The following PRKN variants were observed in gnomAD, a reference collection of about 807,000 sequenced individuals.
PRKN encodes the protein parkin RBR E3 ubiquitin protein ligase, also known as E3 ubiquitin-protein ligase parkin.
PRKN carries 56 observed loss-of-function variants against 59.5 expected under a neutral mutation model. The ratio of observed to expected loss-of-function variants is 0.94; its 90% CI spans 0.76 to 1.18. The LOEUF is 1.18. PRKN is among the 50% of genes most tolerant of loss of function. The pLI, the probability that PRKN is intolerant of heterozygous loss-of-function variation, is 0.00. For missense variants in PRKN, 657 were observed against 596.4 expected, an observed-to-expected ratio of 1.10 and a Z score of -1.06; for synonymous variants, 250 against 222.1, an observed-to-expected ratio of 1.13 and a Z score of -1.12.
intron 1 of PRKN, among the ~76,000 whole-genome samples, chr6:162,524,796 T>A (rs1377667048): frequency 6.6e-6 from 1 of 152,156 alleles, no homozygotes; most frequent in African/African-American, 2.4e-5. Flanking sequence ...TAGTAGAACT[T>A]CTCTTTTAAG....
intron 7 of PRKN, among the ~76,000 whole-genome samples, chr6:161,659,217 A>G (rs945482402): frequency 1.3e-5 from 2 of 152,222 alleles, no homozygotes; most frequent in Non-Finnish European, 2.9e-5. Flanking sequence ...ATTCCAGGGC[A>G]TTGAGATGTA....
intron 2 of PRKN, among the ~76,000 whole-genome samples, chr6:162,435,268 A>G (rs889220132): frequency 3.9e-5 from 6 of 152,184 alleles, no homozygotes; most frequent in African/African-American, 1.4e-4. Flanking sequence ...TCACAATGGA[A>G]ACATCTATGA....
chr6:162,171,612 G>A (rs112725681), intron 4 of PRKN, among the ~76,000 whole-genome samples: 1,618 of 152,132 alleles, frequency 0.011, 27 homozygotes, highest in African/African-American at 0.037. Flanking sequence ...AGTTTCTTTC[G>A]TAGGGCTGCA....
rs567429481 is a variant in PRKN at position 162,126,419 on chromosome 6, G to C, written c.535-72245C>G. Among the ~76,000 whole-genome samples the C allele has an allele frequency of 9.9e-5, 15 of 152,248 alleles. No homozygotes were observed. In the South Asian group the frequency reaches 2.9e-3, roughly 29 times the overall value. ...TGGCTGCCTAAAACTGGCTTAATTG[G>C]TTTCGATTGATTTAACAACCCTTCT... On this transcript the variant is annotated intron_variant, in intron 4 of 11. Transcript: ENST00000366898.
At chr6:162,107,708 C>T (rs1454147971) in intron 4 of PRKN, among the ~76,000 whole-genome samples, 1 of 152,086 alleles carries the variant, frequency 6.6e-6, no homozygotes, top group Non-Finnish European at 1.5e-5. Flanking sequence ...TTTCCTGTTG[C>T]TGTGAACTAG....
chr6:161,447,857 A>G lies in PRKN; in HGVS notation c.1084-60980T>C, dbSNP rs1789565447. Among the ~76,000 whole-genome samples, 2 of 152,182 alleles carry G rather than the reference A, an allele frequency of 1.3e-5. No individual in the cohort carries two copies. The highest frequency in any genetic ancestry group is 1.5e-5 in the Non-Finnish European group (1 of 68,040). On this transcript the variant is annotated intron_variant, in intron 9 of 11. Transcript: ENST00000366898. This position sits in a 1 kb window ranked among gnomAD's most constrained non-coding sequence, Gnocchi z 4.1. ...ACAAAAGAAAATTTCAGGACCTTCC[A>G]AATTTCACAGGCCTAGAGGAAAGTT...
intron 11 of PRKN, among the ~76,000 whole-genome samples, chr6:161,358,772 A>G (rs1030126010): frequency 6.9e-6 from 1 of 144,736 alleles, no homozygotes; most frequent in Non-Finnish European, 1.5e-5. Context: ...CTTCCATCCC[A>G]TCAGTGCCTT....
chr6:162,576,997 A>G (rs1323239752), intron 1 of PRKN, among the ~76,000 whole-genome samples: 1 of 152,186 alleles, frequency 6.6e-6, no homozygotes, highest in Admixed American at 6.5e-5. Context: ...AAACACGACC[A>G]TAAAGATAAA....
intron 1 of PRKN, among the ~76,000 whole-genome samples, chr6:162,552,085 A>G (rs549492078): frequency 9.2e-4 from 140 of 152,348 alleles, no homozygotes; most frequent in African/African-American, 3.3e-3. Context: ...CACAGCCATG[A>G]GAAGAGAGAA....
chr6:162,013,384 C>T (rs1782810357), intron 5 of PRKN, among the ~76,000 whole-genome samples: 1 of 151,974 alleles, frequency 6.6e-6, no homozygotes, highest in African/African-American at 2.4e-5. Flanking sequence ...AAAAATGTTC[C>T]AGCCTCCTAT....
chr6:162,152,070 T>G (rs1455824013), intron 4 of PRKN, among the ~76,000 whole-genome samples: 1 of 152,170 alleles, frequency 6.6e-6, no homozygotes, highest in Admixed American at 6.6e-5. Context: ...CAAAGGTCAC[T>G]TTTTACTAAG....
At chr6:162,006,011 T>A (rs1782238399) in intron 5 of PRKN, among the ~76,000 whole-genome samples, 3 of 152,160 alleles carry the variant, frequency 2.0e-5, no homozygotes, top group South Asian at 2.1e-4. Flanking sequence ...TAAAAAAGCA[T>A]ACTAAAAATT....
intron 1 of PRKN, among the ~76,000 whole-genome samples, chr6:162,553,303 C>T (rs1011099532): frequency 1.3e-5 from 2 of 151,934 alleles, no homozygotes; most frequent in South Asian, 2.1e-4. Flanking sequence ...AAAGTGAGTG[C>T]TCTTGGTGTC....
chr6:161,405,132 C>T lies in PRKN; in HGVS notation c.1084-18255G>A, dbSNP rs541372604. 6.6e-6 allele frequency among the ~76,000 whole-genome samples: 1 copy of T among 152,126 alleles called. No individual in the cohort carries two copies. The highest frequency in any genetic ancestry group is 6.6e-5 in the Admixed American group (1 of 15,264). On this transcript the variant is annotated intron_variant, in intron 9 of 11. Transcript: ENST00000366898. This position sits in a 1 kb window ranked among gnomAD's most constrained non-coding sequence, Gnocchi z 5.1. The stretch of plus-strand genomic sequence containing the variant: ...TTTATCTCTCCAAATATCTCACAGG[C>T]CTTTACTTTATTATGGGCCAGGAAC...
chr6:162,491,852 A>G (rs908922258), intron 1 of PRKN, among the ~76,000 whole-genome samples: 4 of 152,166 alleles, frequency 2.6e-5, no homozygotes, highest in African/African-American at 4.8e-5. Context: ...CTCCTGAGCA[A>G]AAGTATCCTG....
intron 6 of PRKN, among the ~76,000 whole-genome samples, chr6:161,890,324 A>G (rs1346627886): frequency 6.6e-6 from 1 of 152,146 alleles, no homozygotes; most frequent in Admixed American, 6.5e-5. Context: ...TCAGGATGAA[A>G]GAGGCCTTAA....
intron 5 of PRKN, among the ~76,000 whole-genome samples, chr6:162,032,579 T>G (rs914714786): frequency 6.6e-6 from 1 of 152,304 alleles, no homozygotes; most frequent in Admixed American, 6.5e-5. Flanking sequence ...CTTACGTATA[T>G]AACCTCATTC....
intron 10 of PRKN, among the ~76,000 whole-genome samples, chr6:161,374,674 T>G (rs1054858429): frequency 3.3e-5 from 5 of 152,132 alleles, no homozygotes; most frequent in African/African-American, 1.2e-4. Context: ...GTGTTATATA[T>G]GTGTGGTGTG....
At chr6:161,424,917 A>C (rs1056287407) in intron 9 of PRKN, among the ~76,000 whole-genome samples, 3 of 152,160 alleles carry the variant, frequency 2.0e-5, no homozygotes, top group Non-Finnish European at 4.4e-5. Flanking sequence ...TTCCTAGTTA[A>C]ATGTGCTCTG....
Sources: allele counts gnomAD v4.1 joint callset (sites outside exome capture counted in the v4.1 genomes callset), GRCh38; gene constraint gnomAD v4.1.1; non-coding constraint Gnocchi (gnomAD v3.1); transcripts MANE v1.5; gene names NCBI Gene and HGNC (gene_info 2026-07-23, HGNC 2026-07-21).